The following CSMD3 variants were observed in gnomAD, a reference collection of about 807,000 sequenced individuals.
CSMD3 encodes the protein CUB and Sushi multiple domains 3, also known as CUB and sushi domain-containing protein 3.
A neutral mutation model predicts 435.2 loss-of-function variants in CSMD3; 177 were observed. The observed-to-expected ratio is 0.41, with a 90% CI of 0.36 to 0.46. The LOEUF is 0.46. CSMD3 is among the 20% of genes least tolerant of loss of function. The probability of loss-of-function intolerance (pLI) is 0.34; values close to 1 mark genes in which losing one functional copy is unlikely to be tolerated. For missense variants in CSMD3, 4,265 were observed against 4,504.6 expected (o/e 0.95, Z 1.52); for synonymous variants, 1,656 against 1,520.5 (o/e 1.09, Z -2.07).
intron 4 of CSMD3, among the ~76,000 whole-genome samples, chr8:113,171,653 G>T (rs938862030): frequency 6.6e-6 from 1 of 151,982 alleles, no homozygotes; most frequent in African/African-American, 2.4e-5. Context: ...AATTATTTTG[G>T]TGATGTATCA....
At chr8:112,324,582 G>GTGTGTGTGT (rs375902979) in intron 45 of CSMD3, among the ~76,000 whole-genome samples, 217 of 149,268 alleles carry the variant, frequency 1.5e-3, no homozygotes, top group Middle Eastern at 0.011. Flanking sequence ...TGTGTGTGTG[G>GTGTGTGTGT]GTGTGTGTGT....
chr8:112,948,917 T>G (rs1364746079), intron 8 of CSMD3, among the ~76,000 whole-genome samples: 1 of 151,998 alleles, frequency 6.6e-6, no homozygotes, highest in Admixed American at 6.6e-5. Context: ...GTTTTTGGTT[T>G]TTATTTTAAA....
chr8:112,651,958 C>G (rs2075137682), intron 18 of CSMD3, among the ~76,000 whole-genome samples: 1 of 152,236 alleles, frequency 6.6e-6, no homozygotes, highest in African/African-American at 2.4e-5. Context: ...CTTACCCTAT[C>G]CAAGGCCCTC....
At chr8:112,499,998 A>G (rs1821781613) in intron 30 of CSMD3, among the ~76,000 whole-genome samples, 1 of 151,798 alleles carries the variant, frequency 6.6e-6, no homozygotes, top group African/African-American at 2.4e-5. Flanking sequence ...AATCCCAACT[A>G]CTCAGGGGGC....
intron 57 of CSMD3, 71 bp from the exon 58 acceptor site, chr8:112,287,317 G>A: frequency 1.4e-6 from 2 of 1,447,808 alleles, no homozygotes; most frequent in Non-Finnish European, 1.9e-6. Context: ...TAGTCCAAGG[G>A]CCTGGTAGGC....
At chr8:112,807,494 AGG>A (rs1327609032) in intron 12 of CSMD3, among the ~76,000 whole-genome samples, 11 of 58,244 alleles carry the variant, frequency 1.9e-4, no homozygotes, top group Non-Finnish European at 2.6e-4. Flanking sequence ...CTTGATAGGT[AGG>A]TAGGTAGGTA....
rs143648957 is a variant in CSMD3 at position 113,406,522 on chromosome 8, C to T, written c.178+30155G>A. Among the ~76,000 whole-genome samples, 33 of 151,994 alleles carry T rather than the reference C, an allele frequency of 2.2e-4. No individual in the cohort carries two copies. In the East Asian group the frequency reaches 5.0e-3, roughly 23 times the overall value. On this transcript the variant is annotated intron_variant, in intron 1 of 70. Coordinates refer to ENST00000297405, the MANE Select transcript of CSMD3 (RefSeq NM_198123.2). ...TGTAAATAATGGCATAGCAGGAAAACGAACCTGGAGTAAAGCAATGTGGGT... is the reference window on the plus strand; with the variant it reads ...TGTAAATAATGGCATAGCAGGAAAATGAACCTGGAGTAAAGCAATGTGGGT...
intron 2 of CSMD3, among the ~76,000 whole-genome samples, chr8:113,299,089 T>C (rs2093743896): frequency 6.6e-6 from 1 of 152,182 alleles, no homozygotes; most frequent in African/African-American, 2.4e-5. Context: ...AGTGCTGCTA[T>C]AAATATTAGC....
chr8:112,325,912 G>C (rs1823465030), intron 45 of CSMD3, among the ~76,000 whole-genome samples: 1 of 151,944 alleles, frequency 6.6e-6, no homozygotes, highest in Non-Finnish European at 1.5e-5. Flanking sequence ...AATCAAATGG[G>C]TTTACACATG....
At chr8:112,659,139 A>G (rs2075320816) in intron 17 of CSMD3, among the ~76,000 whole-genome samples, 1 of 152,174 alleles carries the variant, frequency 6.6e-6, no homozygotes, top group South Asian at 2.1e-4. Context: ...TTAATAGAAT[A>G]GCAACATTAA....
intron 42 of CSMD3, among the ~76,000 whole-genome samples, chr8:112,340,419 T>C (rs1341760343): frequency 6.6e-6 from 1 of 152,146 alleles, no homozygotes; most frequent in African/African-American, 2.4e-5. Flanking sequence ...TTAAGACCTA[T>C]CTCTATCTTA....
chr8:112,991,935 G>T (rs2085471592), intron 6 of CSMD3, among the ~76,000 whole-genome samples: 1 of 151,764 alleles, frequency 6.6e-6, no homozygotes, highest in Admixed American at 6.6e-5. Context: ...AACAATCAGT[G>T]TTAATTTAAT....
intron 54 of CSMD3, among the ~76,000 whole-genome samples, chr8:112,293,886 C>T (rs1820011449): frequency 6.6e-6 from 1 of 152,102 alleles, no homozygotes; most frequent in Admixed American, 6.6e-5. Flanking sequence ...GGGAATTTAA[C>T]TGCATCTTAT....
chr8:112,944,298 T>C (rs530335672), intron 9 of CSMD3, among the ~76,000 whole-genome samples: 3 of 151,816 alleles, frequency 2.0e-5, no homozygotes, highest in South Asian at 2.1e-4. Flanking sequence ...TCTCCACTTC[T>C]CTGTCTTCCT....
At position 112,597,115 on chromosome 8, in the gene CSMD3, G is replaced by A. The variant is rs369594706; in HGVS notation, c.3716-9880C>T. ...AAAGGATCAACAAAATTGATAGACC[G>A]CTAGCAAGACTAATAAAGAAGAAAA... is the stretch of plus-strand genomic sequence containing the variant. On this transcript the variant is annotated intron_variant, in intron 22 of 70. Transcript: ENST00000297405. Among the ~76,000 whole-genome samples, 643 of 151,854 alleles carry A rather than the reference G, an allele frequency of 4.2e-3. 6 individuals are homozygous for A. Among genetic ancestry groups the A allele is most frequent in the South Asian group, 0.017 (82 of 4,796 alleles).
At chr8:112,952,530 T>G (rs1017710902) in intron 8 of CSMD3, among the ~76,000 whole-genome samples, 2 of 151,570 alleles carry the variant, frequency 1.3e-5, no homozygotes, top group African/African-American at 4.8e-5. Flanking sequence ...TGATACAAAT[T>G]AAAACAATAT....
intron 3 of CSMD3, among the ~76,000 whole-genome samples, chr8:113,195,812 T>TAC (rs1399362220): frequency 1.5e-4 from 21 of 139,560 alleles, no homozygotes; most frequent in Middle Eastern, 3.4e-3. Flanking sequence ...TATATATATA[T>TAC]ATACACACAC....
At chr8:112,901,224 G>T (rs556241835) in intron 10 of CSMD3, among the ~76,000 whole-genome samples, 17 of 151,298 alleles carry the variant, frequency 1.1e-4, no homozygotes, top group Non-Finnish European at 2.1e-4. Flanking sequence ...AAGGAAACAT[G>T]ACAATTGCAG....
chr8:112,643,736 GTCT>G (rs567877327), intron 20 of CSMD3, among the ~76,000 whole-genome samples: 183 of 152,150 alleles, frequency 1.2e-3, no homozygotes, highest in African/African-American at 4.2e-3. Context: ...AGTTTACAAA[GTCT>G]TCTACCTCAT....
Sources: allele counts gnomAD v4.1 joint callset (sites outside exome capture counted in the v4.1 genomes callset), GRCh38; gene constraint gnomAD v4.1.1; transcripts MANE v1.5; gene names NCBI Gene and HGNC (gene_info 2026-07-23, HGNC 2026-07-21).